Variants in CAMSAP2 observed in about 807,000 individuals in gnomAD.
CAMSAP2 encodes calmodulin regulated spectrin associated protein family member 2, also known as calmodulin-regulated spectrin-associated protein 2.
A neutral mutation model predicts 146.1 loss-of-function variants in CAMSAP2; 26 were observed. The ratio of observed to expected loss-of-function variants is 0.18; its 90% confidence interval spans 0.13 to 0.25. CAMSAP2 has a LOEUF of 0.25. Ranked by LOEUF, CAMSAP2 falls within the 10% of genes least tolerant of loss-of-function variation. CAMSAP2 has a pLI of 1.00. For synonymous variants in CAMSAP2, 499 were observed against 596.6 expected (o/e 0.84, Z 2.38); for missense variants, 1,381 against 1,759.3 (o/e 0.78, Z 3.85).
At chr1:200,855,017 TAA>T (rs1157558318) in intron 14 of CAMSAP2, 128 bp downstream of exon 14, 1 of 642,684 alleles carries the variant, frequency 1.6e-6, no homozygotes, top group Non-Finnish European at 2.5e-6. Flanking sequence ...CAAATTTTAC[TAA>T]GTTTTGCTGA....
intron 4 of CAMSAP2, among the ~76,000 whole-genome samples, chr1:200,816,937 T>C (rs369905302): frequency 0.02 from 589 of 30,100 alleles, 151 homozygotes; most frequent in Non-Finnish European, 0.025. Context: ...CACACACGCG[T>C]GTGTATGTGT....
intron 2 of CAMSAP2, among the ~76,000 whole-genome samples, chr1:200,806,546 C>G (rs906344055): frequency 6.6e-6 from 1 of 151,986 alleles, no homozygotes; most frequent in African/African-American, 2.4e-5. Context: ...GCCCTTGGAC[C>G]CAGTGGCCAC....
intron 7 of CAMSAP2, among the ~76,000 whole-genome samples, chr1:200,842,849 G>T (rs1456445999): frequency 6.6e-6 from 1 of 151,974 alleles, no homozygotes; most frequent in Non-Finnish European, 1.5e-5. Context: ...GTTGGTGCAT[G>T]CCTGTAATTC....
At position 200,768,251 on chromosome 1, in the gene CAMSAP2, A is replaced by T. The variant is rs149434854; in HGVS notation, c.399+7153A>T. On this transcript the variant is annotated intron_variant, in intron 2 of 16. Transcript: ENST00000358823. ...TGCGGAGGAATTTACCACATAGAGA[A>T]ATGAAGGCTGTGTTGTACGGTATTG... 3.3e-5 allele frequency among the ~76,000 whole-genome samples: 5 copies of T among 152,342 alleles called. No homozygotes were observed. In the East Asian group the frequency reaches 9.6e-4, roughly 29 times the overall value.
chr1:200,820,561 A>G (rs993530499), intron 4 of CAMSAP2, among the ~76,000 whole-genome samples: 2 of 152,202 alleles, frequency 1.3e-5, no homozygotes, highest in Non-Finnish European at 1.5e-5. Context: ...GTGAGAGAGT[A>G]GGTAAATGCT....
chr1:200,803,618 T>TA (rs59144711), intron 2 of CAMSAP2, among the ~76,000 whole-genome samples: 2,932 of 139,458 alleles, frequency 0.021, 54 homozygotes, highest in Middle Eastern at 0.08. Context: ...AGTTAAGAAG[T>TA]AAAAAAAAAA....
Position 200,852,577 on chromosome 1 carries a change from C to T in CAMSAP2, c.3502C>T (p.Arg1168Trp), listed in dbSNP as rs775620824. 21 of 1,612,884 alleles carry T rather than the reference C, an allele frequency of 1.3e-5. No individual in the cohort carries two copies. The East Asian group carries it at 1.3e-4, about 10-fold the overall frequency. ...QKAENDMAMK[R>W]AALLEKRLRR... Reference sequence around the variant, plus strand: ...AGCAGAAAATGATATGGCAATGAAACGGGCAGCTTTGTTGGAGAAAAGATT... The same window carrying T: ...AGCAGAAAATGATATGGCAATGAAATGGGCAGCTTTGTTGGAGAAAAGATT... Residue 1168 changes from arginine to tryptophan, a missense_variant, in exon 12 of 17, where the codon CGG becomes TGG. By Grantham distance (101) the Arg-to-Trp change is moderately radical. Around this residue, in one of 4 missense-constraint regions of CAMSAP2, gnomAD observed 560 missense variants for 715.9 expected, o/e 0.78. Coordinates refer to ENST00000358823, the MANE Select transcript of CAMSAP2 (RefSeq NM_203459.4).
At chr1:200,824,544 C>A (rs1429799955) in intron 4 of CAMSAP2, among the ~76,000 whole-genome samples, 1 of 152,190 alleles carries the variant, frequency 6.6e-6, no homozygotes, top group East Asian at 1.9e-4. Flanking sequence ...TTCTTCCTGG[C>A]TTCCCCTATT....
chr1:200,851,892 G>A lies in CAMSAP2; in HGVS notation c.3466-649G>A, dbSNP rs371206386. ...GAATTCTGAAGCATTTTGGAAGCCCGCTGAGAACTAGGGCTGTCCCTAAGG... is the reference window on the plus strand; with the variant it reads ...GAATTCTGAAGCATTTTGGAAGCCCACTGAGAACTAGGGCTGTCCCTAAGG... On this transcript the variant is annotated intron_variant, in intron 11 of 16. Transcript: ENST00000358823. 5.3e-5 allele frequency among the ~76,000 whole-genome samples: 8 copies of A among 152,310 alleles called. No individual in the cohort carries two copies. The East Asian group carries it at 7.7e-4, about 15-fold the overall frequency.
Position 200,807,420 on chromosome 1 carries a change from T to C in CAMSAP2, c.444T>C (p.Thr148=). ...TCGATACCCTCATGATGGCTTATAC[T>C]GTAGAAATGGTCAGTATAGAAAAAG... The part of the protein sequence containing the change: ...AMIDTLMMAY[T]VEMVSIEKVI... The change falls in exon 3 of 17, where the codon ACT becomes ACC. Residue 148 remains threonine, a synonymous_variant. Transcript: ENST00000358823. 1 of 1,611,566 alleles carries C rather than the reference T, an allele frequency of 6.2e-7. No individual in the cohort carries two copies. The highest frequency in any genetic ancestry group is 8.5e-7 in the Non-Finnish European group (1 of 1,178,726).
intron 13 of CAMSAP2, among the ~76,000 whole-genome samples, chr1:200,854,498 T>C (rs1265440587): frequency 6.6e-6 from 1 of 152,174 alleles, no homozygotes; most frequent in Non-Finnish European, 1.5e-5. Context: ...AATTTAGATA[T>C]TATGAAATTT....
intron 4 of CAMSAP2, among the ~76,000 whole-genome samples, chr1:200,817,161 CACACGTGTGTGTATAT>C (rs1389215663): frequency 7.3e-4 from 63 of 86,016 alleles, no homozygotes; most frequent in South Asian, 3.3e-3. Context: ...CACACATACA[CACACGTGTGTGTATAT>C]ACACACACAC....
rs1269671236 is a variant in CAMSAP2, at chr1:200,850,061, C to T, written c.3292C>T (p.Pro1098Ser). The change falls in exon 11 of 17, where the codon CCT becomes TCT. Residue 1098 changes from proline (P) to serine (S), a missense_variant. Pro to Ser is a moderately conservative substitution (Grantham distance 74). Transcript: ENST00000358823. ...DQLNQPTEPPPKPVFPPTAPK... is the reference protein window; with the variant it reads ...DQLNQPTEPPSKPVFPPTAPK... The stretch of plus-strand genomic sequence containing the variant: ...ATTGAATCAACCCACAGAACCCCCT[C>T]CTAAACCCGTTTTCCCACCCACTGC... 6.2e-7 allele frequency: 1 copy of T among 1,613,116 alleles called. No individual in the cohort carries two copies. Among genetic ancestry groups the T allele is most frequent in the Non-Finnish European group, 8.5e-7 (1 of 1,179,582 alleles).
chr1:200,740,102 G>T, intron 1 of CAMSAP2, 136 bp downstream of exon 1: 1 of 945,892 alleles, frequency 1.1e-6, no homozygotes. Flanking sequence ...GGGAGGCTAG[G>T]AAGAGAAAGA....
Position 200,857,432 on chromosome 1 carries a change from T to C in CAMSAP2, c.4131+8T>C. On this transcript the variant is annotated splice_region_variant and intron_variant, in intron 16 of 16. Coordinates refer to ENST00000358823, the MANE Select transcript of CAMSAP2 (RefSeq NM_203459.4). This position sits in a 1 kb window ranked among gnomAD's most constrained non-coding sequence, Gnocchi z 4.7. ...AAGAAAAAAATACTGGAGGTAAGCA[T>C]GTTTGCATGAAAATTAAATTTGGCA... is the stretch of plus-strand genomic sequence containing the variant. 1 of 1,573,686 alleles carries C rather than the reference T, an allele frequency of 6.4e-7. No homozygotes were observed. The highest frequency in any genetic ancestry group is 8.7e-7 in the Non-Finnish European group (1 of 1,143,764).
intron 2 of CAMSAP2, 141 bp downstream of exon 2, chr1:200,761,239 C>T: frequency 1.2e-6 from 1 of 806,008 alleles, no homozygotes; most frequent in Non-Finnish European, 1.9e-6. Flanking sequence ...TTTTTCTTAA[C>T]CTTGTTTCCA....
At chr1:200,787,148 G>T (rs747839806) in intron 2 of CAMSAP2, among the ~76,000 whole-genome samples, 15 of 152,152 alleles carry the variant, frequency 9.9e-5, no homozygotes, top group Non-Finnish European at 1.9e-4. Context: ...CTGTTCTGTG[G>T]CCCATGGATC....
intron 1 of CAMSAP2, among the ~76,000 whole-genome samples, chr1:200,760,129 A>G (rs1475144443): frequency 6.6e-6 from 1 of 152,100 alleles, no homozygotes; most frequent in Non-Finnish European, 1.5e-5. Context: ...TTTCTAAACT[A>G]CTACTTATGT....
chr1:200,855,231 C>T (rs1446522480), intron 14 of CAMSAP2, among the ~76,000 whole-genome samples: 1 of 152,088 alleles, frequency 6.6e-6, no homozygotes, highest in Non-Finnish European at 1.5e-5. Context: ...GTACCAACTT[C>T]TCTAGTCTAT....
Sources: allele counts gnomAD v4.1 joint callset (sites outside exome capture counted in the v4.1 genomes callset), GRCh38; gene constraint gnomAD v4.1.1; regional missense constraint gnomAD v4.1.1; non-coding constraint Gnocchi (gnomAD v3.1); transcripts MANE v1.5; gene names NCBI Gene and HGNC (gene_info 2026-07-23, HGNC 2026-07-21).